Variants in ANKRD11 observed in about 807,000 individuals in gnomAD.
ANKRD11 encodes the protein ankyrin repeat domain 11, also known as ankyrin repeat domain-containing protein 11.
A neutral mutation model predicts 195.7 loss-of-function variants in ANKRD11; 17 were observed. The ratio of observed to expected loss-of-function variants is 0.09; its 90% CI spans 0.06 to 0.13. The LOEUF is 0.13. Among genes scored for constraint, ANKRD11 ranks in the 10% least tolerant of loss-of-function variants. The probability of loss-of-function intolerance (pLI) is 1.00; values close to 1 mark genes in which losing one functional copy is unlikely to be tolerated. For synonymous variants in ANKRD11, 1,953 were observed against 1,528.1 expected, an observed-to-expected ratio of 1.28 and a Z score of -6.49; for missense variants, 3,735 against 3,566.1, an observed-to-expected ratio of 1.05 and a Z score of -1.21.
At chr16:89,432,272 CACACA>C (rs1567797187) in intron 1 of ANKRD11, among the ~76,000 whole-genome samples, 8 of 151,242 alleles carry the variant, frequency 5.3e-5, no homozygotes, top group South Asian at 2.1e-4. Context: ...CACACACACA[CACACA>C]CCCCTGGAAA....
intron 7 of ANKRD11, chr16:89,287,861 C>A (rs906794552): frequency 1.7e-5 from 5 of 289,174 alleles, no homozygotes; most frequent in Admixed American, 4.6e-5. Context: ...GCACGACGGG[C>A]ACCAGCAGAT....
intron 9 of ANKRD11, 199 bp downstream of exon 9, chr16:89,278,872 CT>C: frequency 2.2e-6 from 2 of 890,180 alleles, no homozygotes; most frequent in Non-Finnish European, 3.6e-6. Flanking sequence ...GAGGAAGGAC[CT>C]CGGGTCTGCA....
At chr16:89,365,954 C>T (rs1006701924) in intron 2 of ANKRD11, among the ~76,000 whole-genome samples, 49 of 152,020 alleles carry the variant, frequency 3.2e-4, no homozygotes, top group African/African-American at 9.7e-4. Flanking sequence ...AGTGACAACA[C>T]GCAGTATTTG....
In ANKRD11 at chr16:89,280,719, G is replaced by C. The variant is rs775856441; in HGVS notation, c.5823C>G (p.Ala1941=). ...ACTCAACGGGCTCCTCGGTGATGAC[G>C]GCGCTGAAGGGACCCTCGTCCAGCG... is the stretch of plus-strand genomic sequence containing the variant. ...LEPLDEGPFS[A]VITEEPVEWA... is the part of the protein sequence containing the mutation. Residue 1941 remains alanine (A), a synonymous_variant, in exon 9 of 13, where the codon GCC becomes GCG. Coordinates refer to ENST00000301030, the MANE Select transcript of ANKRD11 (RefSeq NM_013275.6). 8 of 1,613,382 alleles carry C rather than the reference G, an allele frequency of 5.0e-6. No individual in the cohort carries two copies. In the Admixed American group the frequency reaches 1.3e-4, roughly 27 times the overall value.
chr16:89,425,881 G>GA (rs1369408371), intron 1 of ANKRD11, among the ~76,000 whole-genome samples: 1 of 152,056 alleles, frequency 6.6e-6, no homozygotes, highest in African/African-American at 2.4e-5. Context: ...TTTACTACAG[G>GA]AAAAAACGAA....
chr16:89,270,631 C>T (rs773433435), intron 12 of ANKRD11, 186 bp downstream of exon 12: 16 of 658,014 alleles, frequency 2.4e-5, no homozygotes, highest in East Asian at 5.6e-5. Flanking sequence ...GGAGGCCACA[C>T]GCAGGGACAG....
rs199741062 is a variant in ANKRD11, at chr16:89,270,912, G to T, written c.7714-3C>A. 464 of 1,613,974 alleles carry T rather than the reference G, an allele frequency of 2.9e-4. No individual in the cohort carries two copies. The highest frequency in any genetic ancestry group is 3.6e-4 in the Non-Finnish European group (425 of 1,179,968). On this transcript the variant is annotated splice_polypyrimidine_tract_variant and splice_region_variant and intron_variant, in intron 11 of 12. Coordinates refer to ENST00000301030, the MANE Select transcript of ANKRD11 (RefSeq NM_013275.6). ...CGCACTGACTTGTTCTCGTCACCCTGTGGAAACCAAACACGGGAGTTTCAT... is the reference window on the plus strand; with the variant it reads ...CGCACTGACTTGTTCTCGTCACCCTTTGGAAACCAAACACGGGAGTTTCAT...
At position 89,443,072 on chromosome 16, in the gene ANKRD11, G is replaced by A. The variant is rs142844314; in HGVS notation, c.-144-24704C>T. On this transcript the variant is annotated intron_variant, in intron 1 of 12. Transcript: ENST00000301030. ...CAATGGTGCAATCTTGGCTCACTGC[G>A]ACCTCTGCCTCCCAGGCCCAAGCAA... Among the ~76,000 whole-genome samples the A allele has an allele frequency of 4.9e-3, 751 of 152,066 alleles. 6 individuals carry two copies. Among genetic ancestry groups the A allele is most frequent in the African/African-American group, 0.017 (719 of 41,464 alleles).
chr16:89,358,643 CA>C (rs2039594510), intron 2 of ANKRD11, among the ~76,000 whole-genome samples: 1 of 152,170 alleles, frequency 6.6e-6, no homozygotes, highest in Non-Finnish European at 1.5e-5. Context: ...ACTAAGATTT[CA>C]ACTGTTTACC....
chr16:89,459,772 A>T (rs1567835264), intron 1 of ANKRD11, among the ~76,000 whole-genome samples: 1 of 152,094 alleles, frequency 6.6e-6, no homozygotes, highest in South Asian at 2.1e-4. Context: ...CCATGTCTAC[A>T]AACAATAAAA....
rs1044741444 is a variant in ANKRD11, at chr16:89,352,299, C to G, written c.-59-35221G>C. On this transcript the variant is annotated intron_variant, in intron 2 of 12. Transcript: ENST00000301030. Reference sequence around the variant, plus strand: ...TCTCACAGTGGCCAGGTATGCATCACGCCACGCGGTGCAGAGCCCTGGGGG... The same window carrying G: ...TCTCACAGTGGCCAGGTATGCATCAGGCCACGCGGTGCAGAGCCCTGGGGG... Among the ~76,000 whole-genome samples, 23 of 152,078 alleles carry G rather than the reference C, an allele frequency of 1.5e-4. No homozygotes were observed. The East Asian group carries it at 3.3e-3, about 22-fold the overall frequency.
At chr16:89,430,249 C>T (rs1437944940) in intron 1 of ANKRD11, among the ~76,000 whole-genome samples, 1 of 123,438 alleles carries the variant, frequency 8.1e-6, no homozygotes, top group Non-Finnish European at 1.7e-5. Context: ...CTCAGTCGTT[C>T]TAGTACACAG....
At chr16:89,382,442 C>T (rs1051566360) in intron 2 of ANKRD11, among the ~76,000 whole-genome samples, 1 of 152,068 alleles carries the variant, frequency 6.6e-6, no homozygotes. Flanking sequence ...TCTCCTGCCT[C>T]GGCCTCCTGA....
Position 89,295,985 on chromosome 16 carries a change from C to CTTTTT in ANKRD11, c.227-4807_227-4803dup, listed in dbSNP as rs60214636. On this transcript the variant is annotated intron_variant, in intron 4 of 12. Coordinates refer to ENST00000301030, the MANE Select transcript of ANKRD11 (RefSeq NM_013275.6). Reference sequence around the variant, plus strand: ...GGGAGTGTCTTCTCTATCTGGCTGCCTTTTTTTTTTTTTTTTTTTTTGAGA... The same window carrying CTTTTT: ...GGGAGTGTCTTCTCTATCTGGCTGCCTTTTTTTTTTTTTTTTTTTTTTTTTTGAGA... Among the ~76,000 whole-genome samples, 258 of 45,120 alleles carry CTTTTT rather than the reference C, an allele frequency of 5.7e-3. 75 individuals are homozygous for CTTTTT. The highest frequency in any genetic ancestry group is 0.025 in the African/African-American group (233 of 9,500). 29.6% of individuals were successfully genotyped at this position (45,120 alleles called of 152,430 possible).
chr16:89,473,008 C>A (rs1199960324), intron 1 of ANKRD11, among the ~76,000 whole-genome samples: 1 of 152,010 alleles, frequency 6.6e-6, no homozygotes, highest in Non-Finnish European at 1.5e-5. Context: ...CTGGGCAACA[C>A]AGTGAGACCC....
chr16:89,413,580 G>A (rs375193951), intron 2 of ANKRD11, among the ~76,000 whole-genome samples: 5 of 152,076 alleles, frequency 3.3e-5, no homozygotes, highest in South Asian at 4.1e-4. Flanking sequence ...AGCCGAGGTC[G>A]CACCACTGCA....
chr16:89,361,972 G>A lies in ANKRD11; in HGVS notation c.-59-44894C>T, dbSNP rs534652091. ...TTGCAACACCCTGGATGGGCGGCCA[G>A]GGGCTTGTGAGAGTGGCTCCAGGCA... is the stretch of plus-strand genomic sequence containing the variant. On this transcript the variant is annotated intron_variant, in intron 2 of 12. Transcript: ENST00000301030. Among the ~76,000 whole-genome samples, 43 of 152,346 alleles carry A rather than the reference G, an allele frequency of 2.8e-4. No individual in the cohort carries two copies. The South Asian group carries it at 8.5e-3, about 30-fold the overall frequency.
intron 1 of ANKRD11, among the ~76,000 whole-genome samples, chr16:89,465,125 G>T (rs2056839297): frequency 6.6e-6 from 1 of 152,160 alleles, no homozygotes. Context: ...GTGTGGCCCC[G>T]GTTCCTTCCA....
chr16:89,279,941 C>A lies in ANKRD11; in HGVS notation c.6601G>T (p.Ala2201Ser), dbSNP rs1189104172. Reference sequence around the variant, plus strand: ...CCTGAGGGCTCAGGCTCGAGCTCTGCAGGGAGCCGGGTGGAGGCCTGGTCA... The same window carrying A: ...CCTGAGGGCTCAGGCTCGAGCTCTGAAGGGAGCCGGGTGGAGGCCTGGTCA... Reference protein sequence around the residue: ...PPDQASTRLPAELEPEPSGEP... With the variant: ...PPDQASTRLPSELEPEPSGEP... The change falls in exon 9 of 13, where the codon GCA (alanine) becomes TCA (serine). Residue 2201 changes from alanine (A) to serine (S), a missense_variant. Transcript: ENST00000301030. The surrounding 1 kb of genome is among the most constrained non-coding windows in gnomAD (Gnocchi z 5.6). 2 of 1,609,902 alleles carry A rather than the reference C, an allele frequency of 1.2e-6. No homozygotes were observed. Among genetic ancestry groups the A allele is most frequent in the Non-Finnish European group, 8.5e-7 (1 of 1,179,824 alleles).
Sources: gnomAD v4.1 joint callset for allele counts (sites outside exome capture counted in the v4.1 genomes callset) on GRCh38, gnomAD v4.1.1 for gene constraint, Gnocchi (gnomAD v3.1) non-coding constraint, MANE v1.5 for transcripts, NCBI Gene and HGNC (gene_info 2026-07-23, HGNC 2026-07-21) for gene names.